The following KIF15 variants were observed in gnomAD, a reference collection of about 807,000 sequenced individuals.
KIF15 encodes kinesin family member 15, also known as kinesin-like protein KIF15.
A neutral mutation model predicts 190.6 loss-of-function variants in KIF15; 140 were observed. The observed-to-expected ratio is 0.73, with a 90% CI of 0.64 to 0.84. KIF15 has a LOEUF of 0.84. KIF15 is among the 40% of genes least tolerant of loss of function. The pLI is 0.00. For missense variants in KIF15, 1,372 were observed against 1,584.4 expected (o/e 0.87, Z 2.28); for synonymous variants, 528 against 551.3 (o/e 0.96, Z 0.59).
chr3:44,831,287 C>T (rs543178578), intron 26 of KIF15, among the ~76,000 whole-genome samples: 1 of 152,204 alleles, frequency 6.6e-6, no homozygotes, highest in South Asian at 2.1e-4. Context: ...CAGTCTTATA[C>T]ATATACTGTC....
At chr3:44,767,934 C>T (rs1705471962) in intron 1 of KIF15, among the ~76,000 whole-genome samples, 1 of 145,452 alleles carries the variant, frequency 6.9e-6, no homozygotes, top group East Asian at 2.0e-4. Flanking sequence ...GAGCTCAGGA[C>T]AGCAGTCCAG....
chr3:44,837,561 T>C (rs1325975868), intron 26 of KIF15, among the ~76,000 whole-genome samples: 1 of 146,560 alleles, frequency 6.8e-6, no homozygotes, highest in Non-Finnish European at 1.5e-5. Context: ...TATATATATC[T>C]GTGTATATCC....
At chr3:44,862,092 C>G in intron 6 of KIF15, 2 of 1,294,494 alleles carry the variant, frequency 1.5e-6, no homozygotes, top group Non-Finnish European at 2.0e-6. Flanking sequence ...CCGCCGCCTC[C>G]GCCAAGCTGG....
At chr3:44,843,102 A>G (rs768982000) in intron 29 of KIF15, 23 bp from the exon 30 acceptor site, 1 of 1,567,990 alleles carries the variant, frequency 6.4e-7, no homozygotes, top group Non-Finnish European at 8.7e-7. Flanking sequence ...GTTTTTTGAA[A>G]AGATACGATT....
intron 20 of KIF15, among the ~76,000 whole-genome samples, chr3:44,816,336 G>A (rs1169087710): frequency 6.6e-6 from 1 of 152,068 alleles, no homozygotes; most frequent in East Asian, 1.9e-4. Context: ...TTGCTTTGCT[G>A]TACCCATTAA....
chr3:44,862,026 G>C, intron 6 of KIF15: 1 of 1,382,502 alleles, frequency 7.2e-7, no homozygotes, highest in Non-Finnish European at 9.4e-7. Context: ...GTGCGATGCG[G>C]CGCCGCTTTT....
chr3:44,771,208 T>C (rs1393753242), intron 1 of KIF15, among the ~76,000 whole-genome samples: 1 of 152,210 alleles, frequency 6.6e-6, no homozygotes, highest in Non-Finnish European at 1.5e-5. Context: ...CTCTGTGGTT[T>C]ATAATAACTT....
chr3:44,857,527 T>G (rs1699201205), downstream of KIF15, among the ~76,000 whole-genome samples: 1 of 152,032 alleles, frequency 6.6e-6, no homozygotes, highest in Non-Finnish European at 1.5e-5. Flanking sequence ...ATGAAAAGGG[T>G]TGGGATGAGT....
Position 44,787,492 on chromosome 3 carries a change from A to C in KIF15, c.639+918A>C, listed in dbSNP as rs558931045. On this transcript the variant is annotated intron_variant, in intron 7 of 34. Transcript: ENST00000326047. Reference sequence around the variant, plus strand: ...TCTTTTATCTTCAATAAAAGATGGAATCAAGTCTCTTGATTCCAGCTGTTT... The same window carrying C: ...TCTTTTATCTTCAATAAAAGATGGACTCAAGTCTCTTGATTCCAGCTGTTT... 6.6e-5 allele frequency among the ~76,000 whole-genome samples: 10 copies of C among 152,286 alleles called. No individual in the cohort carries two copies. In the East Asian group the frequency reaches 1.9e-3, roughly 29 times the overall value.
intron 29 of KIF15, among the ~76,000 whole-genome samples, chr3:44,842,899 TATTG>T (rs2125717477): frequency 6.6e-6 from 1 of 152,340 alleles, no homozygotes. Context: ...AATTCTGTGA[TATTG>T]ATTTTAAAAA....
chr3:44,822,557 C>T (rs1379348539), intron 20 of KIF15, among the ~76,000 whole-genome samples: 1 of 152,168 alleles, frequency 6.6e-6, no homozygotes, highest in Non-Finnish European at 1.5e-5. Context: ...GCCTGCCTTG[C>T]TAGGTTGGGG....
At chr3:44,799,790 A>G (rs1707178454) in intron 10 of KIF15, among the ~76,000 whole-genome samples, 1 of 151,896 alleles carries the variant, frequency 6.6e-6, no homozygotes, top group South Asian at 2.1e-4. Flanking sequence ...GGAAGTGTCA[A>G]ACCAACCCCT....
chr3:44,852,257 GA>G lies in KIF15; in HGVS notation c.4025del (p.Lys1342SerfsTer3). ...KQVECLAEEN[G>X]KLVGHQNLHQ... ...GTGGAGTGTCTTGCTGAGGAAAATG[GA>G]AAGTTGGTAGGTCACCAAAATTTGC... is the stretch of plus-strand genomic sequence containing the variant. On this transcript the variant is annotated frameshift_variant, in exon 34 of 35. Coordinates refer to ENST00000326047, the MANE Select transcript of KIF15 (RefSeq NM_020242.3). LOFTEE classifies it high-confidence loss of function. 1 of 1,613,524 alleles carries G rather than the reference GA, an allele frequency of 6.2e-7. No homozygotes were observed. The highest frequency in any genetic ancestry group is 8.5e-7 in the Non-Finnish European group (1 of 1,179,604).
Position 44,798,004 on chromosome 3 carries a change from A to C in KIF15, c.1098+48A>C, listed in dbSNP as rs1383400525. On this transcript the variant is annotated intron_variant, in intron 10 of 34. Transcript: ENST00000326047. ...ATTAAATAAATGAGAAAAATACTAA[A>C]GCTTACAGTATGCCATTTTTGTGAT... 16 of 1,507,738 alleles carry C rather than the reference A, an allele frequency of 1.1e-5. No homozygotes were observed. In the Middle Eastern group the frequency reaches 5.3e-4, roughly 50 times the overall value. 93.4% of individuals were successfully genotyped at this position (1,507,738 alleles called of 1,614,324 possible). A position where few individuals can be genotyped will look rare whatever the true frequency, so the allele number is the denominator to read the frequency against.
chr3:44,762,600 G>A (rs1405405919), intron 1 of KIF15, among the ~76,000 whole-genome samples: 1 of 152,142 alleles, frequency 6.6e-6, no homozygotes, highest in Non-Finnish European at 1.5e-5. Flanking sequence ...CTGATTTAAT[G>A]GGATCTTTGT....
intron 20 of KIF15, among the ~76,000 whole-genome samples, chr3:44,821,408 G>A (rs966885198): frequency 9.6e-5 from 13 of 135,020 alleles, no homozygotes; most frequent in South Asian, 4.6e-4. Context: ...CTTCTCAGAC[G>A]GGGCGGTCGG....
intron 16 of KIF15, among the ~76,000 whole-genome samples, chr3:44,806,678 G>A (rs1248545227): frequency 6.6e-6 from 1 of 152,108 alleles, no homozygotes; most frequent in African/African-American, 2.4e-5. Flanking sequence ...CCGGCTGTTT[G>A]GGAGGTTGAG....
At chr3:44,778,663 T>C (rs1023733051) in intron 4 of KIF15, among the ~76,000 whole-genome samples, 1 of 151,776 alleles carries the variant, frequency 6.6e-6, no homozygotes, top group Admixed American at 6.6e-5. Context: ...TCTATCTATA[T>C]ATATATAACT....
chr3:44,810,205 C>G (rs549407015), intron 16 of KIF15, among the ~76,000 whole-genome samples: 3 of 152,182 alleles, frequency 2.0e-5, no homozygotes, highest in African/African-American at 7.2e-5. Flanking sequence ...TCCCATACCC[C>G]TATGTATTTT....
Sources: allele counts gnomAD v4.1 joint callset (sites outside exome capture counted in the v4.1 genomes callset), GRCh38; gene constraint gnomAD v4.1.1; transcripts MANE v1.5; gene names NCBI Gene and HGNC (gene_info 2026-07-23, HGNC 2026-07-21).